The following CCDC141 variants were observed in gnomAD, a reference collection of about 807,000 sequenced individuals.
The protein encoded by CCDC141 is coiled-coil domain-containing protein 141.
In CCDC141, 168 loss-of-function variants were observed where a neutral mutation model predicts 181.0. The observed-to-expected ratio is 0.93, with a 90% CI of 0.82 to 1.05. The LOEUF (loss-of-function observed/expected upper bound fraction) is 1.05. Ranked by LOEUF, CCDC141 falls within the 50% of genes least tolerant of loss-of-function variation. The probability of loss-of-function intolerance (pLI) is 0.00; values close to 1 mark genes in which losing one functional copy is unlikely to be tolerated. For synonymous variants in CCDC141, 666 were observed against 642.3 expected, an observed-to-expected ratio of 1.04 and a Z score of -0.56; for missense variants, 1,902 against 1,788.5, an observed-to-expected ratio of 1.06 and a Z score of -1.14.
At chr2:178,907,923 C>T (rs1324904963) in intron 7 of CCDC141, among the ~76,000 whole-genome samples, 9 of 151,690 alleles carry the variant, frequency 5.9e-5, no homozygotes, top group Admixed American at 2.0e-4. Context: ...CACTAGAACC[C>T]GGGAGGTGGA....
At chr2:178,980,206 C>G (rs533497263) in intron 2 of CCDC141, among the ~76,000 whole-genome samples, 179 of 152,088 alleles carry the variant, frequency 1.2e-3, no homozygotes, top group Non-Finnish European at 2.2e-3. Flanking sequence ...TCAAAATACG[C>G]TGGGAGACCG....
In CCDC141 at chr2:179,032,343, C is replaced by T. The variant is rs114634294; in HGVS notation, c.225+14941G>A. 4.8e-3 allele frequency among the ~76,000 whole-genome samples: 727 copies of T among 152,246 alleles called. 5 individuals carry two copies. The highest frequency in any genetic ancestry group is 0.01 in the Middle Eastern group (3 of 294). ...CTGGTTGCTTCCACTTTCACTATCA[C>T]GACTGCCATTTGGGGATGGGGGTGG... On this transcript the variant is annotated intron_variant, in intron 2 of 23. Coordinates refer to ENST00000443758, the MANE Select transcript of CCDC141 (RefSeq NM_173648.4).
chr2:178,926,905 T>G (rs1451479624), intron 6 of CCDC141, among the ~76,000 whole-genome samples: 1 of 152,222 alleles, frequency 6.6e-6, no homozygotes, highest in Non-Finnish European at 1.5e-5. Context: ...CCCATAAATA[T>G]GTACAATTAT....
intron 6 of CCDC141, among the ~76,000 whole-genome samples, chr2:178,936,896 T>C (rs537916807): frequency 1.3e-5 from 2 of 152,240 alleles, no homozygotes; most frequent in African/African-American, 4.8e-5. Flanking sequence ...TGTCTTGGCT[T>C]GGCTGTTGTT....
intron 2 of CCDC141, among the ~76,000 whole-genome samples, chr2:179,009,152 C>T (rs1336290444): frequency 6.6e-6 from 1 of 152,168 alleles, no homozygotes; most frequent in Non-Finnish European, 1.5e-5. Flanking sequence ...ATATACCTGG[C>T]AAAATCATCT....
intron 6 of CCDC141, among the ~76,000 whole-genome samples, chr2:178,938,765 G>A (rs1474794164): frequency 6.6e-6 from 1 of 152,084 alleles, no homozygotes; most frequent in Non-Finnish European, 1.5e-5. Context: ...TTACAAGTGA[G>A]GAAAGTGGGG....
chr2:178,981,636 G>GTATATATATATATA (rs1193430874), intron 2 of CCDC141, among the ~76,000 whole-genome samples: 991 of 62,304 alleles, frequency 0.016, 68 homozygotes, highest in East Asian at 0.039. Context: ...GTGTGTGTGT[G>GTATATATATATATA]TATATATATA....
chr2:178,895,094 T>A (rs1047990705), intron 8 of CCDC141, among the ~76,000 whole-genome samples: 1 of 152,174 alleles, frequency 6.6e-6, no homozygotes, highest in African/African-American at 2.4e-5. Context: ...CTTACCGTTA[T>A]ATTGTGAGGA....
intron 22 of CCDC141, among the ~76,000 whole-genome samples, chr2:178,839,697 C>T (rs1684645758): frequency 6.6e-6 from 1 of 150,830 alleles, no homozygotes; most frequent in Non-Finnish European, 1.5e-5. Flanking sequence ...ATTAACCCAA[C>T]TTAGCGAAAG....
intron 5 of CCDC141, among the ~76,000 whole-genome samples, chr2:178,955,957 G>A (rs1298318563): frequency 6.6e-6 from 1 of 152,178 alleles, no homozygotes; most frequent in Non-Finnish European, 1.5e-5. Flanking sequence ...ATGACATTGC[G>A]GGGGCAAGGA....
At chr2:178,962,287 G>A (rs1182539290) in intron 4 of CCDC141, among the ~76,000 whole-genome samples, 1 of 150,750 alleles carries the variant, frequency 6.6e-6, no homozygotes, top group Non-Finnish European at 1.5e-5. Flanking sequence ...AGCACATTGA[G>A]GAGCATCTAC....
intron 2 of CCDC141, among the ~76,000 whole-genome samples, chr2:179,041,491 GTTTTTTTTTT>G (rs35229059): frequency 5.1e-5 from 3 of 58,864 alleles, no homozygotes; most frequent in African/African-American, 1.4e-4. Flanking sequence ...TTGGTTGTGG[GTTTTTTTTTT>G]TTTTTTTTTT....
intron 7 of CCDC141, among the ~76,000 whole-genome samples, chr2:178,914,646 T>C (rs1688363523): frequency 2.0e-5 from 3 of 152,232 alleles, no homozygotes; most frequent in African/African-American, 7.2e-5. Context: ...TAAGTGATAA[T>C]TATATTTTAC....
At chr2:178,897,123 A>G (rs1687448619) in intron 8 of CCDC141, among the ~76,000 whole-genome samples, 1 of 152,034 alleles carries the variant, frequency 6.6e-6, no homozygotes, top group African/African-American at 2.4e-5. Flanking sequence ...TCTCCTGCTC[A>G]GTCACTCTAT....
intron 2 of CCDC141, among the ~76,000 whole-genome samples, chr2:179,007,585 C>T (rs2042151175): frequency 6.6e-6 from 1 of 152,108 alleles, no homozygotes; most frequent in South Asian, 2.1e-4. Flanking sequence ...TCTCTAGACA[C>T]AAAATGTCTA....
At chr2:178,908,163 C>T (rs562000795) in intron 7 of CCDC141, among the ~76,000 whole-genome samples, 5 of 152,100 alleles carry the variant, frequency 3.3e-5, no homozygotes, top group South Asian at 2.1e-4. Context: ...TTGAATAAAG[C>T]GGAGTTTGTT....
chr2:179,015,106 T>TATATATA (rs2042418260), intron 2 of CCDC141, among the ~76,000 whole-genome samples: 5 of 24,006 alleles, frequency 2.1e-4, no homozygotes, highest in East Asian at 3.3e-3. Context: ...ATATATATAA[T>TATATATA]ATATATATAA....
At chr2:179,021,472 G>A (rs1057166086) in intron 2 of CCDC141, among the ~76,000 whole-genome samples, 1 of 152,146 alleles carries the variant, frequency 6.6e-6, no homozygotes, top group Non-Finnish European at 1.5e-5. Context: ...AAACCTGAGG[G>A]TCACAGCTGT....
At position 178,834,241 on chromosome 2, in the gene CCDC141, C is replaced by T. The variant is rs1044062588; in HGVS notation, c.4525G>A (p.Val1509Ile). The change falls in exon 24 of 24, where the codon GTA becomes ATA. Residue 1509 changes from valine (V) to isoleucine (I), a missense_variant. Physicochemically the swap from Val to Ile is conservative, Grantham distance 29 (BLOSUM62 3). Coordinates refer to ENST00000443758, the MANE Select transcript of CCDC141 (RefSeq NM_173648.4). ...ACGACACACAGGGTTATCCAGTTTA[C>T]TCTTGTGATTGGCAGCCTGCAGTTA... The part of the protein sequence containing the change: ...TGNCRLPITR[V>I]NWITLCVVYV... 32 of 1,536,136 alleles carry T rather than the reference C, an allele frequency of 2.1e-5. No individual in the cohort carries two copies. The highest frequency in any genetic ancestry group is 2.7e-5 in the Non-Finnish European group (31 of 1,146,886).
Sources: gnomAD v4.1 joint callset for allele counts (sites outside exome capture counted in the v4.1 genomes callset) on GRCh38, gnomAD v4.1.1 for gene constraint, MANE v1.5 for transcripts, NCBI Gene and HGNC (gene_info 2026-07-23, HGNC 2026-07-21) for gene names.